Variants in CTNNA3 observed in about 807,000 individuals in gnomAD.
The protein encoded by CTNNA3 is catenin alpha 3, also known as catenin alpha-3.
Under a neutral mutation model 95.7 loss-of-function variants are expected in CTNNA3, and 76 were observed. That is an observed-to-expected ratio of 0.79 (90% confidence interval 0.66 to 0.96). CTNNA3 has a LOEUF of 0.96. Ranked by LOEUF, CTNNA3 falls within the 40% of genes least tolerant of loss-of-function variation. The pLI is 0.00. For synonymous variants in CTNNA3, 431 were observed against 374.4 expected, an observed-to-expected ratio of 1.15 and a Z score of -1.74; for missense variants, 1,191 against 1,089.8, an observed-to-expected ratio of 1.09 and a Z score of -1.31.
intron 7 of CTNNA3, among the ~76,000 whole-genome samples, chr10:67,029,639 T>C (rs1373386127): frequency 6.6e-6 from 1 of 152,220 alleles, no homozygotes; most frequent in Non-Finnish European, 1.5e-5. Context: ...TTTTTCTCAT[T>C]GCCTTTAAAA....
intron 1 of CTNNA3, among the ~76,000 whole-genome samples, chr10:67,682,019 G>T (rs913195692): frequency 6.6e-6 from 1 of 152,008 alleles, no homozygotes; most frequent in African/African-American, 2.4e-5. Flanking sequence ...TTAGCCAGGC[G>T]TGGTGGTGGG....
intron 10 of CTNNA3, among the ~76,000 whole-genome samples, chr10:66,582,073 AAT>A (rs1213014482): frequency 6.6e-5 from 10 of 152,030 alleles, no homozygotes; most frequent in Admixed American, 3.9e-4. Flanking sequence ...CAAGTTAGGT[AAT>A]GTGATGCCTC....
chr10:66,874,270 C>T (rs1489601326), intron 7 of CTNNA3, among the ~76,000 whole-genome samples: 1 of 152,066 alleles, frequency 6.6e-6, no homozygotes, highest in African/African-American at 2.4e-5. Flanking sequence ...AAACTCTGGC[C>T]AACTACCGCC....
At chr10:66,675,309 AT>A (rs1296177181) in intron 9 of CTNNA3, among the ~76,000 whole-genome samples, 1 of 151,576 alleles carries the variant, frequency 6.6e-6, no homozygotes, top group African/African-American at 2.4e-5. Context: ...ATTTTCTAGT[AT>A]TACTACATAC....
intron 10 of CTNNA3, among the ~76,000 whole-genome samples, chr10:66,585,304 T>C (rs971048369): frequency 6.6e-6 from 1 of 152,044 alleles, no homozygotes; most frequent in Non-Finnish European, 1.5e-5. Flanking sequence ...GCTACGTTTT[T>C]CTCCCTCAGG....
intron 10 of CTNNA3, among the ~76,000 whole-genome samples, chr10:66,600,939 G>T (rs1335457744): frequency 6.6e-6 from 1 of 151,810 alleles, no homozygotes; most frequent in Non-Finnish European, 1.5e-5. Context: ...AAACTCTGAT[G>T]AAATAATTCT....
intron 1 of CTNNA3, among the ~76,000 whole-genome samples, chr10:67,674,464 A>AC (rs1353321261): frequency 6.6e-6 from 1 of 152,132 alleles, no homozygotes; most frequent in Non-Finnish European, 1.5e-5. Flanking sequence ...GTCCTAGCAA[A>AC]CTAATACAAT....
chr10:67,717,545 G>C (rs1589579553), intron 1 of CTNNA3, among the ~76,000 whole-genome samples: 2 of 152,148 alleles, frequency 1.3e-5, no homozygotes, highest in South Asian at 4.1e-4. Flanking sequence ...TAGCTAGCCA[G>C]TTTTCCCAAC....
chr10:66,182,334 C>A (rs895634117), intron 13 of CTNNA3, among the ~76,000 whole-genome samples: 1 of 151,000 alleles, frequency 6.6e-6, no homozygotes, highest in Non-Finnish European at 1.5e-5. Context: ...TGGCTCACTG[C>A]GAGCTCCGCC....
intron 13 of CTNNA3, among the ~76,000 whole-genome samples, chr10:66,209,294 G>T (rs549824013): frequency 1.3e-5 from 2 of 152,106 alleles, no homozygotes; most frequent in Non-Finnish European, 2.9e-5. Context: ...TTAATCTCTT[G>T]AAGCTTACAC....
chr10:66,802,352 C>A (rs905040868), intron 7 of CTNNA3, among the ~76,000 whole-genome samples: 1 of 151,592 alleles, frequency 6.6e-6, no homozygotes, highest in Non-Finnish European at 1.5e-5. Flanking sequence ...ATTAATAGGA[C>A]AAATAAAAAC....
intron 5 of CTNNA3, among the ~76,000 whole-genome samples, chr10:67,440,920 A>G (rs1158659629): frequency 6.6e-6 from 1 of 152,124 alleles, no homozygotes; most frequent in Non-Finnish European, 1.5e-5. Context: ...CAACAATACC[A>G]TCCAAGAAAA....
At chr10:66,560,931 C>A (rs559842426) in intron 10 of CTNNA3, among the ~76,000 whole-genome samples, 1 of 152,110 alleles carries the variant, frequency 6.6e-6, no homozygotes, top group South Asian at 2.1e-4. Flanking sequence ...AGTAAGTGGA[C>A]CCTCTTGAGA....
rs1439919987 is a variant in CTNNA3 at position 65,916,754 on chromosome 10, G to A, written c.*3576C>T. ...GGCATTAATTGGAGTAATTTGCTGTGATGGGCAGTCCTGATTGCACTATTT... is the reference window on the plus strand; with the variant it reads ...GGCATTAATTGGAGTAATTTGCTGTAATGGGCAGTCCTGATTGCACTATTT... On this transcript the variant is annotated 3_prime_UTR_variant, in exon 18 of 18. Coordinates refer to ENST00000433211, the MANE Select transcript of CTNNA3 (RefSeq NM_013266.4). The A allele has an allele frequency of 6.6e-6, 1 of 152,128 alleles. No individual in the cohort carries two copies. Among genetic ancestry groups the A allele is most frequent in the Non-Finnish European group, 1.5e-5 (1 of 68,016 alleles). 9.4% of individuals were successfully genotyped at this position (152,128 alleles called of 1,614,324 possible). A position where few individuals can be genotyped will look rare whatever the true frequency, so the allele number is the denominator to read the frequency against.
intron 17 of CTNNA3, among the ~76,000 whole-genome samples, chr10:65,954,307 T>A (rs1373242371): frequency 1.3e-5 from 2 of 152,232 alleles, no homozygotes; most frequent in Non-Finnish European, 2.9e-5. Flanking sequence ...GATGGGTAGA[T>A]TGCAAAAATT....
At chr10:65,980,066 G>A (rs536414706) in intron 16 of CTNNA3, among the ~76,000 whole-genome samples, 10 of 151,946 alleles carry the variant, frequency 6.6e-5, no homozygotes, top group Non-Finnish European at 1.3e-4. Flanking sequence ...AAATAAAATC[G>A]ATAGATCATT....
chr10:66,069,257 C>G (rs779200327), intron 15 of CTNNA3, 51 bp downstream of exon 15: 2 of 1,550,234 alleles, frequency 1.3e-6, no homozygotes, highest in South Asian at 1.1e-5. Context: ...ACTAATATGA[C>G]TAATATTTTC....
intron 1 of CTNNA3, among the ~76,000 whole-genome samples, chr10:67,745,637 A>G (rs1337396618): frequency 3.3e-5 from 5 of 152,170 alleles, no homozygotes; most frequent in African/African-American, 1.2e-4. Flanking sequence ...CTGTGCACAT[A>G]TACCCTAAAA....
intron 13 of CTNNA3, among the ~76,000 whole-genome samples, chr10:66,247,474 A>C (rs571836103): frequency 6.6e-6 from 1 of 152,332 alleles, no homozygotes; most frequent in African/African-American, 2.4e-5. Context: ...CTACGATATC[A>C]ATATTTAAGT....
Sources: allele counts gnomAD v4.1 joint callset (sites outside exome capture counted in the v4.1 genomes callset), GRCh38; gene constraint gnomAD v4.1.1; transcripts MANE v1.5; gene names NCBI Gene and HGNC (gene_info 2026-07-23, HGNC 2026-07-21).